The following CRB1 variants were observed in gnomAD, a reference collection of about 807,000 sequenced individuals.
CRB1 encodes crumbs cell polarity complex component 1.
Under a neutral mutation model 120.0 loss-of-function variants are expected in CRB1, and 83 were observed. The observed-to-expected ratio is 0.69, with a 90% CI of 0.58 to 0.83. CRB1 has a LOEUF of 0.83. Among genes scored for constraint, CRB1 ranks in the 40% least tolerant of loss-of-function variants. The pLI is 0.00. For missense variants in CRB1, 1,699 were observed against 1,687.6 expected (o/e 1.01, Z -0.12); for synonymous variants, 625 against 612.5 (o/e 1.02, Z -0.30).
At chr1:197,453,525 T>TAC (rs1666082022) in intron 11 of CRB1, among the ~76,000 whole-genome samples, 1 of 48,142 alleles carries the variant, frequency 2.1e-5, no homozygotes, top group Non-Finnish European at 4.9e-5. Flanking sequence ...TGTGTGTGTG[T>TAC]ATATATATAT....
chr1:197,214,585 G>C, the CRB1 span, among the ~76,000 whole-genome samples: 12 of 151,966 alleles, frequency 7.9e-5, no homozygotes, highest in Admixed American at 2.6e-4. Flanking sequence ...TAGAAGAAAT[G>C]GATAAACTTC....
intron 5 of CRB1, among the ~76,000 whole-genome samples, chr1:197,388,999 A>G (rs1232878052): frequency 6.6e-6 from 1 of 152,160 alleles, no homozygotes; most frequent in Non-Finnish European, 1.5e-5. Context: ...TCAAAACCAC[A>G]GTGAGATACC....
the CRB1 span, among the ~76,000 whole-genome samples, chr1:197,240,534 A>G: frequency 6.6e-6 from 1 of 152,174 alleles, no homozygotes; most frequent in East Asian, 1.9e-4. Flanking sequence ...ATGTCCCTGC[A>G]AAGGACATGA....
the CRB1 span, among the ~76,000 whole-genome samples, chr1:197,224,721 A>G: frequency 1.3e-5 from 2 of 152,218 alleles, no homozygotes; most frequent in South Asian, 4.2e-4. Context: ...CTGAAGATAC[A>G]GTCCTACTTA....
intron 1 of CRB1, among the ~76,000 whole-genome samples, chr1:197,276,878 A>C (rs1655238421): frequency 6.6e-6 from 1 of 151,984 alleles, no homozygotes; most frequent in Non-Finnish European, 1.5e-5. Flanking sequence ...CCTAGGGTAC[A>C]TACTAAAAAC....
intron 11 of CRB1, among the ~76,000 whole-genome samples, chr1:197,473,760 C>T (rs973402729): frequency 2.6e-5 from 4 of 152,026 alleles, no homozygotes; most frequent in Middle Eastern, 3.4e-3. Flanking sequence ...ACCTGGAGGC[C>T]TCCATCATCA....
intron 1 of CRB1, among the ~76,000 whole-genome samples, chr1:197,283,463 G>A (rs957139390): frequency 6.6e-6 from 1 of 151,672 alleles, no homozygotes; most frequent in African/African-American, 2.4e-5. Context: ...TCATAGCTTA[G>A]CTCCCACTTA....
chr1:197,463,112 T>C (rs547352688), intron 11 of CRB1, among the ~76,000 whole-genome samples: 44 of 152,292 alleles, frequency 2.9e-4, no homozygotes, highest in South Asian at 8.3e-4. Context: ...GAGATTTTCT[T>C]CATTGTTTAG....
the CRB1 span, among the ~76,000 whole-genome samples, chr1:197,262,286 C>T: frequency 6.6e-6 from 1 of 152,160 alleles, no homozygotes; most frequent in Admixed American, 6.5e-5. Context: ...TCTGGATCTT[C>T]ACTTGGTTTT....
At chr1:197,386,565 G>C (rs904635866) in intron 5 of CRB1, among the ~76,000 whole-genome samples, 2 of 152,114 alleles carry the variant, frequency 1.3e-5, no homozygotes, top group Admixed American at 1.3e-4. Flanking sequence ...ACATGATCTG[G>C]AAGTTGCATT....
chr1:197,319,279 T>A (rs868637613), intron 1 of CRB1, among the ~76,000 whole-genome samples: 65 of 31,502 alleles, frequency 2.1e-3, no homozygotes, highest in East Asian at 0.018. Context: ...AAAAAAAAAA[T>A]TAGCCGGACG....
At chr1:197,416,046 G>C (rs1663983696) in intron 5 of CRB1, among the ~76,000 whole-genome samples, 2 of 152,106 alleles carry the variant, frequency 1.3e-5, no homozygotes, top group African/African-American at 4.8e-5. Context: ...TTCTCCAGAG[G>C]CTCTGCAGCA....
intron 1 of CRB1, among the ~76,000 whole-genome samples, chr1:197,315,475 A>G (rs954058398): frequency 2.6e-5 from 4 of 152,236 alleles, no homozygotes; most frequent in African/African-American, 9.6e-5. Context: ...GCCTGCATAA[A>G]ACTAAAATAA....
intron 1 of CRB1, among the ~76,000 whole-genome samples, chr1:197,290,324 C>T (rs1180949086): frequency 1.4e-5 from 2 of 146,598 alleles, no homozygotes; most frequent in Non-Finnish European, 3.0e-5. Context: ...AAGTGGATCT[C>T]AGATCATATG....
At chr1:197,266,472 A>C (rs139989173), upstream of CRB1, among the ~76,000 whole-genome samples, 867 of 152,280 alleles carry the variant, frequency 5.7e-3, 7 homozygotes, top group African/African-American at 0.017. Context: ...ATTAGGTTTC[A>C]ACATGTGAAT....
chr1:197,428,728 C>T lies in CRB1; in HGVS notation c.2677-721C>T, dbSNP rs76253199. Among the ~76,000 whole-genome samples, 1,148 of 152,272 alleles carry T rather than the reference C, an allele frequency of 7.5e-3. 14 individuals are homozygous for T. The highest frequency in any genetic ancestry group is 0.024 in the African/African-American group (978 of 41,568). Reference sequence around the variant, plus strand: ...GCACTATTTTACATGGATTAATCCACTTAGTTCTATTGAAGGACTACTGTG... The same window carrying T: ...GCACTATTTTACATGGATTAATCCATTTAGTTCTATTGAAGGACTACTGTG... On this transcript the variant is annotated intron_variant, in intron 7 of 11. Transcript: ENST00000367400.
At chr1:197,392,196 C>T (rs1002928824) in intron 5 of CRB1, among the ~76,000 whole-genome samples, 1 of 151,882 alleles carries the variant, frequency 6.6e-6, no homozygotes, top group Non-Finnish European at 1.5e-5. Flanking sequence ...ACTTCCTCTA[C>T]ACCTGAGGTC....
the CRB1 span, among the ~76,000 whole-genome samples, chr1:197,221,429 T>G: frequency 6.6e-6 from 1 of 152,218 alleles, no homozygotes; most frequent in African/African-American, 2.4e-5. Context: ...CACATTCTGT[T>G]AGTATTAGCT....
chr1:197,449,007 T>G (rs567925101), intron 11 of CRB1, among the ~76,000 whole-genome samples: 1 of 152,342 alleles, frequency 6.6e-6, no homozygotes, highest in South Asian at 2.1e-4. Context: ...TAGAATAAAA[T>G]TTATCATGAT....
Sources: gnomAD v4.1 joint callset for allele counts (sites outside exome capture counted in the v4.1 genomes callset) on GRCh38, gnomAD v4.1.1 for gene constraint, MANE v1.5 for transcripts, NCBI Gene and HGNC (gene_info 2026-07-23, HGNC 2026-07-21) for gene names.